Variants in AJAP1 observed in about 807,000 individuals in gnomAD.
AJAP1 encodes adherens junction-associated protein 1.
A neutral mutation model predicts 35.0 loss-of-function variants in AJAP1; 5 were observed. That is an observed-to-expected ratio of 0.14 (90% CI 0.07 to 0.30). AJAP1 has a LOEUF of 0.30. AJAP1 is among the 10% of genes least tolerant of loss of function. AJAP1 has a pLI of 1.00. For synonymous variants in AJAP1, 284 were observed against 249.3 expected (o/e 1.14, Z -1.31); for missense variants, 586 against 571.0 (o/e 1.03, Z -0.27).
At chr1:4,715,738 G>C (rs564493722) in intron 2 of AJAP1, among the ~76,000 whole-genome samples, 2 of 152,318 alleles carry the variant, frequency 1.3e-5, no homozygotes, top group African/African-American at 4.8e-5. Context: ...TTTAGTGGAT[G>C]AACACTGAGC....
At chr1:4,740,225 C>T (rs1242941523) in intron 2 of AJAP1, among the ~76,000 whole-genome samples, 1 of 151,388 alleles carries the variant, frequency 6.6e-6, no homozygotes, top group Admixed American at 6.6e-5. Flanking sequence ...TGTGGCTGAA[C>T]CTTGAGGACA....
In AJAP1 at chr1:4,787,791, C is replaced by G. The variant is rs750330095; in HGVS notation, c.*5306C>G. ...CGTCAGCGACTTGGCCCACGGGGCA[C>G]GGGCACCTTGGGGATGCCATTCTTC... On this transcript the variant is annotated 3_prime_UTR_variant, in exon 6 of 6. Transcript: ENST00000378191. 2.2e-6 allele frequency: 1 copy of G among 454,162 alleles called. No homozygotes were observed. Among genetic ancestry groups the G allele is most frequent in the South Asian group, 1.6e-5 (1 of 64,318 alleles). The allele number at this position is 454,162 out of a possible 1,614,324, so 28.1% of individuals were successfully genotyped here. A position where few individuals can be genotyped will look rare whatever the true frequency, so the allele number is the denominator to read the frequency against.
Position 4,654,847 on chromosome 1 carries a change from T to C in AJAP1, c.-579T>C, listed in dbSNP as rs1638837898. The C allele has an allele frequency of 6.6e-6, 1 of 150,556 alleles. No homozygotes were observed. Among genetic ancestry groups the C allele is most frequent in the East Asian group, 2.0e-4 (1 of 5,042 alleles). 9.3% of individuals were successfully genotyped at this position (150,556 alleles called of 1,614,324 possible). A position where few individuals can be genotyped will look rare whatever the true frequency, so the allele number is the denominator to read the frequency against. ...CGCTCAGACGGAGCCCCCGGGCAAC[T>C]TGAGTGGCGCCGATCGGCGGCGGAG... On this transcript the variant is annotated 5_prime_UTR_variant, in exon 1 of 6. Transcript: ENST00000378191. This position sits in a 1 kb window ranked among gnomAD's most constrained non-coding sequence, Gnocchi z 5.1.
In AJAP1 at chr1:4,786,480, C is replaced by G. The variant is rs754083036; in HGVS notation, c.*3995C>G. 9.9e-5 allele frequency: 15 copies of G among 152,266 alleles called. No individual in the cohort carries two copies. The highest frequency in any genetic ancestry group is 1.6e-4 in the Non-Finnish European group (11 of 68,026). The allele number at this position is 152,266 out of a possible 1,614,324, so 9.4% of individuals were successfully genotyped here. On this transcript the variant is annotated 3_prime_UTR_variant, in exon 6 of 6. Coordinates refer to ENST00000378191, the MANE Select transcript of AJAP1 (RefSeq NM_018836.4). ...ATCTTAATCCTTTCTTTCAAAAATACGTGACTCTTTCACAGCCATATTTTA... is the reference window on the plus strand; with the variant it reads ...ATCTTAATCCTTTCTTTCAAAAATAGGTGACTCTTTCACAGCCATATTTTA...
intron 1 of AJAP1, among the ~76,000 whole-genome samples, chr1:4,698,806 T>G (rs1257984079): frequency 1.3e-5 from 2 of 152,190 alleles, no homozygotes; most frequent in Non-Finnish European, 2.9e-5. Flanking sequence ...CCCTCCGATG[T>G]GCCAGAACTC....
intron 5 of AJAP1, among the ~76,000 whole-genome samples, chr1:4,775,176 GTGATA>G (rs1356822342): frequency 7.2e-5 from 11 of 152,176 alleles, no homozygotes; most frequent in Non-Finnish European, 1.5e-4. Context: ...TTTGCTTTTA[GTGATA>G]TTAACTTTAA....
chr1:4,771,961 G>A (rs1641844834), intron 3 of AJAP1, among the ~76,000 whole-genome samples: 1 of 152,168 alleles, frequency 6.6e-6, no homozygotes, highest in Non-Finnish European at 1.5e-5. Flanking sequence ...GGGAAACTGA[G>A]TCAGCACCAT....
At chr1:4,697,114 T>C (rs1639881445) in intron 1 of AJAP1, among the ~76,000 whole-genome samples, 1 of 152,232 alleles carries the variant, frequency 6.6e-6, no homozygotes, top group African/African-American at 2.4e-5. Flanking sequence ...CATGTATCAC[T>C]CAGGTTGCAT....
chr1:4,711,683 C>G (rs1388859001), intron 1 of AJAP1, among the ~76,000 whole-genome samples: 2 of 152,216 alleles, frequency 1.3e-5, no homozygotes, highest in African/African-American at 4.8e-5. Context: ...GGAAGCAGCT[C>G]CCCGCACCCT....
chr1:4,750,260 G>A (rs1213769842), intron 2 of AJAP1, among the ~76,000 whole-genome samples: 1 of 152,216 alleles, frequency 6.6e-6, no homozygotes. Context: ...GTGCAGGACA[G>A]TGTGTGTGCA....
chr1:4,790,365 T>C lies in AJAP1; in HGVS notation c.*7880T>C, dbSNP rs1642229327. The C allele has an allele frequency of 6.6e-6, 1 of 152,234 alleles. No homozygotes were observed. Among genetic ancestry groups the C allele is most frequent in the African/African-American group, 2.4e-5 (1 of 41,464 alleles). 9.4% of individuals were successfully genotyped at this position (152,234 alleles called of 1,614,324 possible). A position where few individuals can be genotyped will look rare whatever the true frequency, so the allele number is the denominator to read the frequency against. ...CACATGGGAGTTTCTTTATTGCGTA[T>C]GCAGCCAGTCAACATGAATGGGACC... On this transcript the variant is annotated 3_prime_UTR_variant, in exon 6 of 6. Transcript: ENST00000378191.
At chr1:4,710,354 C>T (rs1397610034) in intron 1 of AJAP1, among the ~76,000 whole-genome samples, 1 of 152,182 alleles carries the variant, frequency 6.6e-6, no homozygotes, top group Non-Finnish European at 1.5e-5. Flanking sequence ...CACTCGTGGA[C>T]ACACCCCCAG....
chr1:4,732,810 A>C (rs184134647), intron 2 of AJAP1, among the ~76,000 whole-genome samples: 16 of 152,354 alleles, frequency 1.1e-4, no homozygotes, highest in East Asian at 9.7e-4. Flanking sequence ...TCCAGACCAG[A>C]GAGGTGAGAG....
At chr1:4,727,717 A>T (rs947106240) in intron 2 of AJAP1, among the ~76,000 whole-genome samples, 5 of 152,322 alleles carry the variant, frequency 3.3e-5, no homozygotes, top group African/African-American at 9.6e-5. Context: ...GCAAGGCTGT[A>T]GCAGCAGTGA....
intron 1 of AJAP1, among the ~76,000 whole-genome samples, chr1:4,662,693 C>T (rs1639026712): frequency 6.6e-6 from 1 of 152,176 alleles, no homozygotes; most frequent in African/African-American, 2.4e-5. Context: ...CGCCCGTGGT[C>T]CAGCTCTGGG....
At chr1:4,741,143 G>A (rs1365629543) in intron 2 of AJAP1, among the ~76,000 whole-genome samples, 1 of 152,106 alleles carries the variant, frequency 6.6e-6, no homozygotes, top group Admixed American at 6.6e-5. Flanking sequence ...CAGAAAACGG[G>A]AGCTAGGTTT....
Position 4,712,355 on chromosome 1 carries a change from A to T in AJAP1, c.485A>T (p.Asp162Val). ...LRRGKRHLQG[D>V]GLSSFDSRGS... Reference sequence around the variant, plus strand: ...AGGGGCAAGAGGCACCTGCAGGGGGACGGTCTCAGCAGCTTCGACTCCAGA... The same window carrying T: ...AGGGGCAAGAGGCACCTGCAGGGGGTCGGTCTCAGCAGCTTCGACTCCAGA... The change falls in exon 2 of 6, where the codon GAC becomes GTC. Residue 162 changes from aspartate (D) to valine (V), a missense_variant. Transcript: ENST00000378191. The T allele has an allele frequency of 6.6e-7, 1 of 1,505,736 alleles. No individual in the cohort carries two copies. The highest frequency in any genetic ancestry group is 8.9e-7 in the Non-Finnish European group (1 of 1,124,432). The allele number at this position is 1,505,736 out of a possible 1,614,324, so 93.3% of individuals were successfully genotyped here.
chr1:4,726,509 G>GA (rs1640663017), intron 2 of AJAP1, among the ~76,000 whole-genome samples: 1 of 152,140 alleles, frequency 6.6e-6, no homozygotes, highest in South Asian at 2.1e-4. Context: ...GCAAGTCTGG[G>GA]AGCCTAGAGG....
intron 1 of AJAP1, among the ~76,000 whole-genome samples, chr1:4,690,870 C>A (rs1333152956): frequency 1.3e-5 from 2 of 152,188 alleles, no homozygotes; most frequent in Non-Finnish European, 2.9e-5. Flanking sequence ...ACTTCTTATC[C>A]AGGGAGCAGG....
Sources: gnomAD v4.1 joint callset for allele counts (sites outside exome capture counted in the v4.1 genomes callset) on GRCh38, gnomAD v4.1.1 for gene constraint, Gnocchi (gnomAD v3.1) non-coding constraint, MANE v1.5 for transcripts, NCBI Gene and HGNC (gene_info 2026-07-23, HGNC 2026-07-21) for gene names.